Variants in CDK11A observed in about 807,000 individuals in gnomAD.
CDK11A encodes cyclin-dependent kinase 11A.
A neutral mutation model predicts 83.6 loss-of-function variants in CDK11A; 55 were observed. That is an observed-to-expected ratio of 0.66 (90% CI 0.53 to 0.82). The LOEUF (loss-of-function observed/expected upper bound fraction) is 0.82, where lower values mean the gene tolerates loss of function less well. Ranked by LOEUF, CDK11A falls within the 40% of genes least tolerant of loss-of-function variation. The pLI is 0.00. For synonymous variants in CDK11A, 247 were observed against 302.7 expected, an observed-to-expected ratio of 0.82 and a Z score of 1.91; for missense variants, 564 against 810.1, an observed-to-expected ratio of 0.70 and a Z score of 3.69.
At chr1:1,704,489 G>A (rs2072922) in intron 14 of CDK11A, 61 bp downstream of exon 14, 122,730 of 1,546,988 alleles carry the variant, frequency 0.079, 12,455 homozygotes, top group African/African-American at 0.37. Context: ...CTGTCACCGC[G>A]GGGGTGACCA....
chr1:1,716,879 A>T (rs1424648715), intron 4 of CDK11A, among the ~76,000 whole-genome samples: 3 of 118,832 alleles, frequency 2.5e-5, no homozygotes, highest in African/African-American at 1.0e-4. Context: ...TTAAATCAAG[A>T]ACATTAAATA....
At chr1:1,715,797 C>G (rs1210592665) in intron 5 of CDK11A, among the ~76,000 whole-genome samples, 2 of 151,268 alleles carry the variant, frequency 1.3e-5, no homozygotes, top group Admixed American at 1.3e-4. Flanking sequence ...GTTCACAGAA[C>G]AGATCTGGGG....
At position 1,716,287 on chromosome 1, in the gene CDK11A, T is replaced by C; in HGVS notation, c.488+59A>G. 3 of 1,568,404 alleles carry C rather than the reference T, an allele frequency of 1.9e-6. No homozygotes were observed. In the South Asian group the frequency reaches 3.4e-5, roughly 18 times the overall value. ...ATTGCCAAATTCTTCTTCATTGCTGTGACAGGACACACTACCACGGCCCTT... is the reference window on the plus strand; with the variant it reads ...ATTGCCAAATTCTTCTTCATTGCTGCGACAGGACACACTACCACGGCCCTT... On this transcript the variant is annotated intron_variant, in intron 5 of 19. Transcript: ENST00000404249.
At position 1,721,553 on chromosome 1, in the gene CDK11A, G is replaced by C. The variant is rs763393094; in HGVS notation, c.227+43C>G. 3.8e-5 allele frequency: 61 copies of C among 1,586,302 alleles called. 4 individuals carry two copies. Among genetic ancestry groups the C allele is most frequent in the South Asian group, 1.5e-4 (13 of 89,342 alleles). On this transcript the variant is annotated intron_variant, in intron 3 of 19. Coordinates refer to ENST00000404249, the MANE Select transcript of CDK11A (RefSeq NM_024011.4). ...CCCTAGGAAGGACTGGCCAGGCCAGGGCTGTGTACAGTTGGGTCTTGCACA... is the reference window on the plus strand; with the variant it reads ...CCCTAGGAAGGACTGGCCAGGCCAGCGCTGTGTACAGTTGGGTCTTGCACA...
chr1:1,708,473 T>C (rs1460080468), intron 9 of CDK11A, among the ~76,000 whole-genome samples: 7 of 139,480 alleles, frequency 5.0e-5, no homozygotes, highest in African/African-American at 1.9e-4. Flanking sequence ...AAACCCCGTC[T>C]CGACTAAAAA....
At chr1:1,704,170 T>C (rs1644208112) in intron 15 of CDK11A, 24 bp from the exon 16 acceptor site, 3 of 1,606,894 alleles carry the variant, frequency 1.9e-6, no homozygotes, top group Non-Finnish European at 2.6e-6. Context: ...TGGGCGGCTG[T>C]GGGTGGGCCT....
rs1430663096 is a variant in CDK11A, at chr1:1,705,820, C to T, written c.1246-88G>A. 3.2e-5 allele frequency: 16 copies of T among 497,566 alleles called. 2 individuals carry two copies. Among genetic ancestry groups the T allele is most frequent in the African/African-American group, 5.7e-5 (1 of 17,626 alleles). 30.8% of individuals were successfully genotyped at this position (497,566 alleles called of 1,614,324 possible). On this transcript the variant is annotated intron_variant, in intron 11 of 19. Coordinates refer to ENST00000404249, the MANE Select transcript of CDK11A (RefSeq NM_024011.4). ...GTCCACAGGCACGGCACACCCAGCA[C>T]GGGGCAGGTGCAGGGCAGAGCCTTG...
intron 5 of CDK11A, 94 bp downstream of exon 5, chr1:1,716,252 T>C (rs981488294): frequency 7.8e-6 from 11 of 1,414,798 alleles, no homozygotes; most frequent in African/African-American, 1.4e-5. Context: ...CTGCAACAAA[T>C]GTGACTTCTA....
At chr1:1,708,346 G>A (rs1208943054) in intron 9 of CDK11A, 101 bp from the exon 10 acceptor site, 6 of 1,462,078 alleles carry the variant, frequency 4.1e-6, no homozygotes, top group Non-Finnish European at 2.8e-6. Context: ...GTGTTCCCAA[G>A]AATGGATATG....
chr1:1,707,375 C>T lies in CDK11A; in HGVS notation c.1245+34G>A, dbSNP rs762957457. 1.4e-5 allele frequency: 22 copies of T among 1,599,464 alleles called. 2 individuals are homozygous for T. The highest frequency in any genetic ancestry group is 8.1e-5 in the African/African-American group (6 of 73,938). ...CCTGTGGTAACTCCGACTGCCAATG[C>T]GGACAGCGGCCCGGGGCGAGGGGAG... is the stretch of plus-strand genomic sequence containing the variant. On this transcript the variant is annotated intron_variant, in intron 11 of 19. Transcript: ENST00000404249.
rs1644123689 is a variant in CDK11A at position 1,702,464 on chromosome 1, GC to G, written c.*442del. ...TGTCGAGTCTGCTGGCACAGCTGGG[GC>G]TGGGGGTTGGGGGCCGGGGGCCTGT... On this transcript the variant is annotated 3_prime_UTR_variant, in exon 20 of 20. Transcript: ENST00000404249. Among the ~76,000 whole-genome samples, 1 of 119,336 alleles carries G rather than the reference GC, an allele frequency of 8.4e-6. No homozygotes were observed. The highest frequency in any genetic ancestry group is 1.9e-5 in the Non-Finnish European group (1 of 52,848). The allele number at this position is 119,336 out of a possible 152,430, so 78.3% of individuals were successfully genotyped here.
rs544474131 is a variant in CDK11A at position 1,706,716 on chromosome 1, C to T, written c.1245+693G>A. Among the ~76,000 whole-genome samples the T allele has an allele frequency of 1.6e-3, 246 of 151,208 alleles. 9 individuals are homozygous for T. The highest frequency in any genetic ancestry group is 4.1e-3 in the African/African-American group (170 of 41,232). Reference sequence around the variant, plus strand: ...GGGCCGGTGCCCAGGCCGGATGTCACGTACTCTGGGTGGCCTGTGGCCCGA... The same window carrying T: ...GGGCCGGTGCCCAGGCCGGATGTCATGTACTCTGGGTGGCCTGTGGCCCGA... On this transcript the variant is annotated intron_variant, in intron 11 of 19. Coordinates refer to ENST00000404249, the MANE Select transcript of CDK11A (RefSeq NM_024011.4).
At chr1:1,710,781 G>C (rs1341504237) in intron 6 of CDK11A, among the ~76,000 whole-genome samples, 1 of 139,850 alleles carries the variant, frequency 7.2e-6, no homozygotes, top group African/African-American at 2.6e-5. Context: ...TATCAACAGA[G>C]ACAGAAGATC....
chr1:1,719,710 G>A (rs368071017), intron 3 of CDK11A, among the ~76,000 whole-genome samples: 10 of 146,738 alleles, frequency 6.8e-5, no homozygotes, highest in African/African-American at 1.0e-4. Flanking sequence ...CCACCTTTCC[G>A]GGTTCACACC....
rs1418476394 is a variant in CDK11A, at chr1:1,721,678, C to G, written c.145G>C (p.Glu49Gln). ...DDRDSKRDSL[E>Q]EGELRDHCME... ...CAGTGATCTCTCAGCTCCCCCTCCT[C>G]AAGGGAATCCCGCTTGGAATCCCGG... Residue 49 changes from glutamate (E) to glutamine (Q), a missense_variant, in exon 3 of 20, where the codon GAG (glutamate) becomes CAG (glutamine). Transcript: ENST00000404249. The G allele has an allele frequency of 1.3e-6, 2 of 1,595,316 alleles. No individual in the cohort carries two copies. Among genetic ancestry groups the G allele is most frequent in the African/African-American group, 2.7e-5 (2 of 74,346 alleles).
chr1:1,706,541 C>A (rs1410828500), intron 11 of CDK11A, among the ~76,000 whole-genome samples: 1 of 151,206 alleles, frequency 6.6e-6, no homozygotes, highest in Non-Finnish European at 1.5e-5. Flanking sequence ...AGAGACAGAC[C>A]CAGTCTCCAA....
Position 1,703,615 on chromosome 1 carries a change from TC to T in CDK11A, c.1920del (p.Thr641ProfsTer15). The part of the protein sequence containing the change: ...DQINKVFKEL[G>X]TPSEKIWPGY... Reference sequence around the variant, plus strand: ...CCGGGCCAGATTTTCTCACTGGGGGTCCCCAGCTCCTGAAAGACAGAGGTGC... The same window carrying T: ...CCGGGCCAGATTTTCTCACTGGGGGTCCCAGCTCCTGAAAGACAGAGGTGC... On this transcript the variant is annotated frameshift_variant, in exon 18 of 20. Transcript: ENST00000404249. LOFTEE classifies it high-confidence loss of function. 1.3e-6 allele frequency: 2 copies of T among 1,596,426 alleles called. No homozygotes were observed. The highest frequency in any genetic ancestry group is 1.1e-5 in the South Asian group (1 of 88,692).
intron 5 of CDK11A, among the ~76,000 whole-genome samples, chr1:1,715,156 C>T (rs1454753919): frequency 9.0e-6 from 1 of 111,632 alleles, no homozygotes; most frequent in African/African-American, 2.9e-5. Context: ...CAGCAGTTTT[C>T]CAAGCATCAG....
rs778084332 is a variant in CDK11A, at chr1:1,704,094, G to C, written c.1739C>G (p.Thr580Ser). Residue 580 changes from threonine to serine, a missense_variant, in exon 16 of 20, where the codon ACC (threonine) becomes AGC (serine). Physicochemically the swap from Thr to Ser is moderately conservative, Grantham distance 58. This residue lies in a region of CDK11A where 361 missense variants were observed against 402.7 expected (regional missense o/e 0.90). Coordinates refer to ENST00000404249, the MANE Select transcript of CDK11A (RefSeq NM_024011.4). ...GTACCACTGGGTCACCACGACCGGG[G>C]TGTAGGCCTTCAGAGGGGATCCGTA... is the stretch of plus-strand genomic sequence containing the variant. ...REYGSPLKAY[T>S]PVVVTQWYRA... 5.0e-6 allele frequency: 8 copies of C among 1,600,708 alleles called. 1 individual carries two copies. In the East Asian group the frequency reaches 6.7e-5, roughly 13 times the overall value.
Sources: allele counts gnomAD v4.1 joint callset (sites outside exome capture counted in the v4.1 genomes callset), GRCh38; gene constraint gnomAD v4.1.1; regional missense constraint gnomAD v4.1.1; transcripts MANE v1.5; gene names NCBI Gene and HGNC (gene_info 2026-07-23, HGNC 2026-07-21).